SELENOV: variants seen among roughly 807,000 people sequenced by gnomAD.
SELENOV encodes selenoprotein V.
Under a neutral mutation model 21.6 loss-of-function variants are expected in SELENOV, and 25 were observed. That is an observed-to-expected ratio of 1.16 (90% CI 0.84 to 1.62). The LOEUF (loss-of-function observed/expected upper bound fraction) is 1.62. Ranked by LOEUF, SELENOV falls within the 40% of genes most tolerant of loss-of-function variation. The pLI, the probability that SELENOV is intolerant of heterozygous loss-of-function variation, is 0.00. For synonymous variants in SELENOV, 227 were observed against 216.9 expected, an observed-to-expected ratio of 1.05 and a Z score of -0.41; for missense variants, 472 against 459.0, an observed-to-expected ratio of 1.03 and a Z score of -0.26.
At chr19:39,516,472 C>A (rs754365481) in intron 1 of SELENOV, among the ~76,000 whole-genome samples, 2 of 152,032 alleles carry the variant, frequency 1.3e-5, no homozygotes, top group Non-Finnish European at 2.9e-5. Flanking sequence ...TCTCTGCCCA[C>A]AGGCGGTCTC....
Position 39,519,301 on chromosome 19 carries a change from A to C in SELENOV, c.*22+131A>C, listed in dbSNP as rs1486290952. ...GTTAGAATCATGACAAGTCACCTAC[A>C]TTCTTTTCTGAGCCTCAGTTGCCTC... On this transcript the variant is annotated intron_variant, in intron 5 of 5. Transcript: ENST00000335426. 1.0e-5 allele frequency: 7 copies of C among 678,878 alleles called. No homozygotes were observed. The Admixed American group carries it at 1.2e-4, about 11-fold the overall frequency. 42.1% of individuals were successfully genotyped at this position (678,878 alleles called of 1,614,324 possible).
rs1385511773 is a variant in SELENOV at position 39,515,605 on chromosome 19, G to C, written c.393G>C (p.Leu131=). ...CAGCCCCAGCCCCAGCCCAGCTCCT[G>C]GCAGGGATTCGGGCCGCGCTCCCCG... is the stretch of plus-strand genomic sequence containing the variant. Residue 131 remains leucine, a synonymous_variant, in exon 1 of 6, where the codon CTG becomes CTC. Transcript: ENST00000335426. This position sits in a 1 kb window ranked among gnomAD's most constrained non-coding sequence, Gnocchi z 5.1. 5.2e-6 allele frequency: 8 copies of C among 1,548,632 alleles called. No homozygotes were observed. The highest frequency in any genetic ancestry group is 7.0e-6 in the Non-Finnish European group (8 of 1,146,888).
intron 3 of SELENOV, 53 bp from the exon 4 acceptor site, chr19:39,518,850 A>G: frequency 2.5e-6 from 4 of 1,612,504 alleles, no homozygotes. Context: ...GAGATCCCCA[A>G]GGGGCTTGGA....
chr19:39,517,557 A>G (rs1287104677), intron 1 of SELENOV, among the ~76,000 whole-genome samples: 1 of 152,168 alleles, frequency 6.6e-6, no homozygotes, highest in Non-Finnish European at 1.5e-5. Context: ...AAGGGGGTAT[A>G]TGAGCGAAGC....
Position 39,515,131 on chromosome 19 carries a change from G to C in SELENOV, c.-82G>C. 3 of 870,872 alleles carry C rather than the reference G, an allele frequency of 3.4e-6. No individual in the cohort carries two copies. Among genetic ancestry groups the C allele is most frequent in the South Asian group, 1.6e-5 (1 of 62,282 alleles). 53.9% of individuals were successfully genotyped at this position (870,872 alleles called of 1,614,324 possible). A position where few individuals can be genotyped will look rare whatever the true frequency, so the allele number is the denominator to read the frequency against. ...GTGGTCGCGCCGCGTCTCAGAACCC[G>C]GTGCGGGAGACGCTCTCCCCGCCCA... On this transcript the variant is annotated 5_prime_UTR_variant, in exon 1 of 6. Coordinates refer to ENST00000335426, the Ensembl canonical transcript of SELENOV. This position sits in a 1 kb window ranked among gnomAD's most constrained non-coding sequence, Gnocchi z 5.1.
At chr19:39,518,473 A>G in intron 1 of SELENOV, 135 bp from the exon 2 acceptor site, 1 of 868,270 alleles carries the variant, frequency 1.2e-6, no homozygotes, top group Non-Finnish European at 1.9e-6. Flanking sequence ...AGATGGCACT[A>G]CTTCGGGATT....
exon 6 of SELENOV, chr19:39,520,260 C>T (rs2079721723): frequency 6.6e-6 from 1 of 152,152 alleles, no homozygotes; most frequent in African/African-American, 2.4e-5. Context: ...CATGCAGAGT[C>T]AGCACCCCTG....
rs982447596 is a variant in SELENOV at position 39,515,911 on chromosome 19, C to A, written c.699C>A (p.Ile233=). 1.2e-5 allele frequency: 19 copies of A among 1,597,940 alleles called. No homozygotes were observed. Among genetic ancestry groups the A allele is most frequent in the Non-Finnish European group, 1.6e-5 (19 of 1,172,870 alleles). Residue 233 remains isoleucine (I), a synonymous_variant, in exon 1 of 6, where the codon ATC becomes ATA. Transcript: ENST00000335426. The surrounding 1 kb of genome is among the most constrained non-coding windows in gnomAD (Gnocchi z 5.1). ...TTCCCAGTCCTGTCCCCTCGCCCAT[C>A]CTGGGGACCATCCCGTCGGCCATCT...
At chr19:39,519,908 T>G (rs1392387113) in intron 5 of SELENOV, among the ~76,000 whole-genome samples, 2 of 132,442 alleles carry the variant, frequency 1.5e-5, no homozygotes, top group Non-Finnish European at 3.0e-5. Flanking sequence ...GAGCTTGCAG[T>G]GAGCTGAGAT....
chr19:39,518,591 CTGCTCTTGGCCTCCAGTGGCCTCT>C lies in SELENOV; in HGVS notation c.810-16_817del. On this transcript the variant is annotated splice_acceptor_variant and splice_polypyrimidine_tract_variant and coding_sequence_variant and intron_variant, in exon 2 of 6. Transcript: ENST00000335426. LOFTEE classifies it high-confidence loss of function. Reference sequence around the variant, plus strand: ...TGGTCTCTCTCTTAACTTTCTCCTCCTGCTCTTGGCCTCCAGTGGCCTCTGAAGCTATAGCCTTCGGGTGAGTAG... The same window carrying C: ...TGGTCTCTCTCTTAACTTTCTCCTCCGAAGCTATAGCCTTCGGGTGAGTAG... 1 of 1,593,884 alleles carries C rather than the reference CTGCTCTTGGCCTCCAGTGGCCTCT, an allele frequency of 6.3e-7. No homozygotes were observed. The highest frequency in any genetic ancestry group is 8.6e-7 in the Non-Finnish European group (1 of 1,168,804).
rs892557467 is a variant in SELENOV at position 39,516,049 on chromosome 19, A to AC, written c.809+33dup. On this transcript the variant is annotated intron_variant, in intron 1 of 5. Transcript: ENST00000335426. ...GAGGACCTCACACATGCCTCTCCCA[A>AC]CCCCCGGGGACAGGGCCGGCAGTGG... 8 of 1,542,814 alleles carry AC rather than the reference A, an allele frequency of 5.2e-6. No homozygotes were observed. In the African/African-American group the frequency reaches 9.6e-5, roughly 19 times the overall value.
intron 4 of SELENOV, 25 bp from the exon 5 acceptor site, chr19:39,519,046 T>G (rs1340678234): frequency 6.2e-7 from 1 of 1,613,252 alleles, no homozygotes; most frequent in African/African-American, 1.3e-5. Flanking sequence ...GGGAGACCTG[T>G]GTGCTTTCTT....
At chr19:39,520,152 C>G (rs1416945613) in exon 6 of SELENOV, 1 of 152,600 alleles carries the variant, frequency 6.6e-6, no homozygotes, top group East Asian at 1.9e-4. Flanking sequence ...TTAGGAGTCT[C>G]AGCTGGATGA....
At chr19:39,516,091 G>A in intron 1 of SELENOV, 70 bp downstream of exon 1, 2 of 1,365,850 alleles carry the variant, frequency 1.5e-6, no homozygotes. Flanking sequence ...GGTCTCCGGG[G>A]ACGTGGAGGT....
chr19:39,516,405 C>G (rs535342907), intron 1 of SELENOV, among the ~76,000 whole-genome samples: 3 of 152,094 alleles, frequency 2.0e-5, no homozygotes, highest in African/African-American at 7.2e-5. Context: ...CTCTCCTGCC[C>G]TGGAAGCCTC....
At position 39,517,991 on chromosome 19, in the gene SELENOV, A is replaced by AAAAAAAAAAAAAAAAAAG. The variant is rs374863818; in HGVS notation, c.810-617_810-616insAAAAAAAAAAAAAAAAAG. Among the ~76,000 whole-genome samples the AAAAAAAAAAAAAAAAAAG allele has an allele frequency of 7.3e-4, 67 of 92,086 alleles. 9 individuals are homozygous for AAAAAAAAAAAAAAAAAAG. The highest frequency in any genetic ancestry group is 6.7e-3 in the Middle Eastern group (1 of 150). 60.4% of individuals were successfully genotyped at this position (92,086 alleles called of 152,430 possible). ...AAAAAAAAAAAAAAAAAAAAAAAAAAGCCCAGCGCGGTGGCTCACGCCTGT... is the reference window on the plus strand; with the variant it reads ...AAAAAAAAAAAAAAAAAAAAAAAAAAAAAAAAAAAAAAAAAAAGGCCCAGCGCGGTGGCTCACGCCTGT... On this transcript the variant is annotated intron_variant, in intron 1 of 5. Transcript: ENST00000335426.
At position 39,515,629 on chromosome 19, in the gene SELENOV, C is replaced by G. The variant is rs1441990808; in HGVS notation, c.417C>G (p.Pro139=). 1.9e-6 allele frequency: 3 copies of G among 1,548,286 alleles called. No homozygotes were observed. The highest frequency in any genetic ancestry group is 2.4e-5 in the South Asian group (2 of 84,060). The change falls in exon 1 of 6, where the codon CCC becomes CCG. Residue 139 remains proline (P), a synonymous_variant. Transcript: ENST00000335426. The surrounding 1 kb of genome is among the most constrained non-coding windows in gnomAD (Gnocchi z 5.1). ...TGGCAGGGATTCGGGCCGCGCTCCCCGTCTTGGACTCCTACCTGGCCCCGG... is the reference window on the plus strand; with the variant it reads ...TGGCAGGGATTCGGGCCGCGCTCCCGGTCTTGGACTCCTACCTGGCCCCGG...
chr19:39,518,630 C>T lies in SELENOV; in HGVS notation c.832C>T (p.Arg278Trp), dbSNP rs143630792. 5.6e-5 allele frequency: 90 copies of T among 1,608,208 alleles called. No individual in the cohort carries two copies. The African/African-American group carries it at 9.1e-4, about 16-fold the overall frequency. Residue 278 changes from arginine to tryptophan, a missense_variant and splice_region_variant, in exon 2 of 6, where the codon CGG (arginine) becomes TGG (tryptophan). Transcript: ENST00000335426. ...CAGTGGCCTCTGAAGCTATAGCCTTCGGGTGAGTAGTTTTGGCTTTGGAGG... is the reference window on the plus strand; with the variant it reads ...CAGTGGCCTCTGAAGCTATAGCCTTTGGGTGAGTAGTTTTGGCTTTGGAGG...
At chr19:39,517,017 G>A (rs1346283237) in intron 1 of SELENOV, among the ~76,000 whole-genome samples, 1 of 151,566 alleles carries the variant, frequency 6.6e-6, no homozygotes, top group Non-Finnish European at 1.5e-5. Context: ...AAATTTTGTT[G>A]TAGAGATGGG....
Sources: gnomAD v4.1 joint callset for allele counts (sites outside exome capture counted in the v4.1 genomes callset) on GRCh38, gnomAD v4.1.1 for gene constraint, Gnocchi (gnomAD v3.1) non-coding constraint, MANE v1.5 for transcripts, NCBI Gene and HGNC (gene_info 2026-07-23, HGNC 2026-07-21) for gene names.